Variants in RAB11FIP5 observed in about 807,000 individuals in gnomAD.
The protein encoded by RAB11FIP5 is RAB11 family interacting protein 5, also known as rab11 family-interacting protein 5.
Under a neutral mutation model 85.1 loss-of-function variants are expected in RAB11FIP5, and 48 were observed. The observed-to-expected ratio is 0.56, with a 90% CI of 0.45 to 0.72. The LOEUF (loss-of-function observed/expected upper bound fraction) is 0.72, where lower values mean the gene tolerates loss of function less well. Ranked by LOEUF, RAB11FIP5 falls within the 30% of genes least tolerant of loss-of-function variation. RAB11FIP5 has a pLI of 0.00. For missense variants in RAB11FIP5, 1,491 were observed against 1,687.0 expected, an observed-to-expected ratio of 0.88 and a Z score of 2.04; for synonymous variants, 729 against 727.3, an observed-to-expected ratio of 1.00 and a Z score of -0.04.
In RAB11FIP5 at chr2:73,088,043, G is replaced by A. The variant is rs369650590; in HGVS notation, c.1568+7C>T. ...AAGGAGCAAAGTTGGTCTTGCCAAC[G>A]ACTTACCTGGGTTTCTGAGTCGGGT... On this transcript the variant is annotated splice_region_variant and intron_variant, in intron 3 of 5. Coordinates refer to ENST00000486777, the MANE Select transcript of RAB11FIP5 (RefSeq NM_001371272.1). 145 of 1,581,318 alleles carry A rather than the reference G, an allele frequency of 9.2e-5. 1 individual carries two copies. The highest frequency in any genetic ancestry group is 2.1e-5 in the Non-Finnish European group (25 of 1,162,988).
intron 4 of RAB11FIP5, 62 bp downstream of exon 4, chr2:73,079,589 G>A: frequency 1.6e-6 from 2 of 1,232,236 alleles, no homozygotes; most frequent in Non-Finnish European, 2.0e-6. Flanking sequence ...CAGTCCCTTG[G>A]GCTGTTCTGC....
In RAB11FIP5 at chr2:73,111,011, A is replaced by C. The variant is rs148485984; in HGVS notation, c.431+1336T>G. 2.6e-4 allele frequency among the ~76,000 whole-genome samples: 34 copies of C among 128,792 alleles called. No individual in the cohort carries two copies. In the East Asian group the frequency reaches 9.1e-3, roughly 34 times the overall value. The allele number at this position is 128,792 out of a possible 152,430, so 84.5% of individuals were successfully genotyped here. A position where few individuals can be genotyped will look rare whatever the true frequency, so the allele number is the denominator to read the frequency against. ...ACCAGGAAGGAGGGAGAGGACAGAA[A>C]GGAGGAAAAAAACAAGGTCCAAGCT... On this transcript the variant is annotated intron_variant, in intron 1 of 5. Coordinates refer to ENST00000486777, the MANE Select transcript of RAB11FIP5 (RefSeq NM_001371272.1).
At position 73,088,570 on chromosome 2, in the gene RAB11FIP5, C is replaced by A. The variant is rs1237247948; in HGVS notation, c.1048G>T (p.Gly350Cys). 1.4e-5 allele frequency: 22 copies of A among 1,613,856 alleles called. No homozygotes were observed. The highest frequency in any genetic ancestry group is 1.8e-5 in the Non-Finnish European group (21 of 1,180,038). The change falls in exon 3 of 6, where the codon GGC (glycine) becomes TGC (cysteine). Residue 350 changes from glycine to cysteine, a missense_variant. This residue lies in a region of RAB11FIP5 where 1,211 missense variants were observed against 1,338.0 expected (regional missense o/e 0.91). Coordinates refer to ENST00000486777, the MANE Select transcript of RAB11FIP5 (RefSeq NM_001371272.1). ...ATGGAGCTGCGGTGCCGCACAGGGC[C>A]CTGGGGCTCCTCATTGTAAATGTGG... ...GSHIYNEEPQ[G>C]PVRHRSSISG...
In RAB11FIP5 at chr2:73,084,672, G is replaced by A. The variant is rs1184779592; in HGVS notation, c.1569-3009C>T. Among the ~76,000 whole-genome samples, 3 of 152,172 alleles carry A rather than the reference G, an allele frequency of 2.0e-5. 1 individual carries two copies. Among genetic ancestry groups the A allele is most frequent in the Admixed American group, 2.0e-4 (3 of 15,280 alleles). On this transcript the variant is annotated intron_variant, in intron 3 of 5. Coordinates refer to ENST00000486777, the MANE Select transcript of RAB11FIP5 (RefSeq NM_001371272.1). ...CTCTTCTTAAACACTACACCACAGG[G>A]CTACCTCTGTAGCTGAAGGCCAGGT...
chr2:73,088,263 C>G lies in RAB11FIP5; in HGVS notation c.1355G>C (p.Gly452Ala), dbSNP rs200575843. Residue 452 changes from glycine (G) to alanine (A), a missense_variant, in exon 3 of 6, where the codon GGA becomes GCA. Gly to Ala is a moderately conservative substitution (Grantham distance 60). Transcript: ENST00000486777. ...GGGCTTGCGTTCCTCCTTCCGGGCTCCCTCCTTCTCTGCCACAGCCTCAGA... is the reference window on the plus strand; with the variant it reads ...GGGCTTGCGTTCCTCCTTCCGGGCTGCCTCCTTCTCTGCCACAGCCTCAGA... ...ASSEAVAEKE[G>A]ARKEERKPRM... 189 of 1,613,802 alleles carry G rather than the reference C, an allele frequency of 1.2e-4. No individual in the cohort carries two copies. The highest frequency in any genetic ancestry group is 1.5e-4 in the Non-Finnish European group (175 of 1,180,026).
At chr2:73,109,143 G>C (rs1558525062) in intron 1 of RAB11FIP5, among the ~76,000 whole-genome samples, 1 of 152,206 alleles carries the variant, frequency 6.6e-6, no homozygotes, top group Non-Finnish European at 1.5e-5. Context: ...GACGATCCAT[G>C]GACAGTTCTA....
At position 73,080,468 on chromosome 2, in the gene RAB11FIP5, C is replaced by T. The variant is rs201313478; in HGVS notation, c.2764G>A (p.Ala922Thr). The change falls in exon 4 of 6, where the codon GCA becomes ACA. Residue 922 changes from alanine (A) to threonine (T), a missense_variant. Ala to Thr is a moderately conservative substitution (Grantham distance 58). This residue lies in a region of RAB11FIP5 where 1,211 missense variants were observed against 1,338.0 expected (regional missense o/e 0.91). Coordinates refer to ENST00000486777, the MANE Select transcript of RAB11FIP5 (RefSeq NM_001371272.1). The part of the protein sequence containing the change: ...RSQEEEEEKA[A>T]VGLSNRGPET... ...GGCCCCCTGTTACTCAGCCCCACTGCGGCCTTCTCCTCCTCCTCCTCCTGG... is the reference window on the plus strand; with the variant it reads ...GGCCCCCTGTTACTCAGCCCCACTGTGGCCTTCTCCTCCTCCTCCTCCTGG... 3.2e-5 allele frequency: 39 copies of T among 1,233,728 alleles called. 1 individual carries two copies. The East Asian group carries it at 6.0e-4, about 19-fold the overall frequency. 76.4% of individuals were successfully genotyped at this position (1,233,728 alleles called of 1,614,324 possible).
In RAB11FIP5 at chr2:73,081,323, G is replaced by T; in HGVS notation, c.1909C>A (p.Pro637Thr). The change falls in exon 4 of 6, where the codon CCC becomes ACC. Residue 637 changes from proline to threonine, a missense_variant. Coordinates refer to ENST00000486777, the MANE Select transcript of RAB11FIP5 (RefSeq NM_001371272.1). This position sits in a 1 kb window ranked among gnomAD's most constrained non-coding sequence, Gnocchi z 4.2. ...AGGGCTTTCCCAGGGGAGGCCAGGG[G>T]GGTGGGGCTGGCCCTCGAGGCACTG... ...LPSASRASPT[P>T]LASPGKALPE... is the part of the protein sequence containing the mutation. The T allele has an allele frequency of 8.1e-7, 1 of 1,232,968 alleles. No homozygotes were observed. 76.4% of individuals were successfully genotyped at this position (1,232,968 alleles called of 1,614,324 possible).
rs1415133552 is a variant in RAB11FIP5 at position 73,081,229 on chromosome 2, A to T, written c.2003T>A (p.Ile668Asn). 1 of 1,232,172 alleles carries T rather than the reference A, an allele frequency of 8.1e-7. No homozygotes were observed. Among genetic ancestry groups the T allele is most frequent in the South Asian group, 4.1e-5 (1 of 24,320 alleles). The allele number at this position is 1,232,172 out of a possible 1,614,324, so 76.3% of individuals were successfully genotyped here. A position where few individuals can be genotyped will look rare whatever the true frequency, so the allele number is the denominator to read the frequency against. ...SRLRPEARSE[I>N]LAPAGVGLEA... ...CAGCCCCACTCCTGCAGGGGCCAGGATCTCGCTCCTGGCCTCTGGACGCAG... is the reference window on the plus strand; with the variant it reads ...CAGCCCCACTCCTGCAGGGGCCAGGTTCTCGCTCCTGGCCTCTGGACGCAG... Residue 668 changes from isoleucine to asparagine, a missense_variant, in exon 4 of 6, where the codon ATC (isoleucine) becomes AAC (asparagine). By Grantham distance (149) the Ile-to-Asn change is moderately radical. This residue lies in a region of RAB11FIP5 where 1,211 missense variants were observed against 1,338.0 expected (regional missense o/e 0.91). Transcript: ENST00000486777. This position sits in a 1 kb window ranked among gnomAD's most constrained non-coding sequence, Gnocchi z 4.2.
rs112009327 is a variant in RAB11FIP5 at position 73,097,854 on chromosome 2, A to T, written c.432-8539T>A. 1.9e-3 allele frequency among the ~76,000 whole-genome samples: 283 copies of T among 152,342 alleles called. 2 individuals carry two copies. The highest frequency in any genetic ancestry group is 5.3e-3 in the African/African-American group (219 of 41,574). On this transcript the variant is annotated intron_variant, in intron 1 of 5. Coordinates refer to ENST00000486777, the MANE Select transcript of RAB11FIP5 (RefSeq NM_001371272.1). ...GCCCAACCAGATGTGGGACGCATCCAGCTTTGTGAACAGAGGAGTCACTGT... is the reference window on the plus strand; with the variant it reads ...GCCCAACCAGATGTGGGACGCATCCTGCTTTGTGAACAGAGGAGTCACTGT...
At chr2:73,101,425 G>C (rs997682064) in intron 1 of RAB11FIP5, among the ~76,000 whole-genome samples, 6 of 152,286 alleles carry the variant, frequency 3.9e-5, no homozygotes, top group Admixed American at 3.3e-4. Context: ...TTGAATGTGG[G>C]CTGGATATTA....
chr2:73,110,421 C>T (rs1684614255), intron 1 of RAB11FIP5, among the ~76,000 whole-genome samples: 1 of 152,116 alleles, frequency 6.6e-6, no homozygotes, highest in South Asian at 2.1e-4. Context: ...AACTAGAGCA[C>T]CAGGCCAACT....
chr2:73,074,992 G>A lies in RAB11FIP5; in HGVS notation c.*529C>T. The stretch of plus-strand genomic sequence containing the variant: ...ACCACACAGGCTTCTTGCTCTCAGG[G>A]GAATGGGTGTGAGGCTGAAGAGGCT... On this transcript the variant is annotated 3_prime_UTR_variant, in exon 6 of 6. Transcript: ENST00000486777. 2.8e-6 allele frequency: 1 copy of A among 353,972 alleles called. No homozygotes were observed. The highest frequency in any genetic ancestry group is 2.2e-5 in the South Asian group (1 of 46,056). 21.9% of individuals were successfully genotyped at this position (353,972 alleles called of 1,614,324 possible). A position where few individuals can be genotyped will look rare whatever the true frequency, so the allele number is the denominator to read the frequency against.
intron 1 of RAB11FIP5, among the ~76,000 whole-genome samples, chr2:73,109,725 G>T (rs1469444813): frequency 6.6e-6 from 1 of 152,200 alleles, no homozygotes; most frequent in Non-Finnish European, 1.5e-5. Flanking sequence ...GCTGCAAAGG[G>T]CCAGCTCATT....
intron 3 of RAB11FIP5, 48 bp downstream of exon 3, chr2:73,088,002 C>A (rs1423360446): frequency 5.2e-6 from 8 of 1,528,000 alleles, no homozygotes; most frequent in Non-Finnish European, 1.8e-6. Flanking sequence ...GCAGCACACA[C>A]CCCAGCATCC....
At chr2:73,110,622 TC>T (rs1684636684) in intron 1 of RAB11FIP5, among the ~76,000 whole-genome samples, 1 of 152,214 alleles carries the variant, frequency 6.6e-6, no homozygotes, top group Admixed American at 6.5e-5. Context: ...AGTCAAATTC[TC>T]CAAGACAGGC....
At chr2:73,087,248 C>T (rs1684109243) in intron 3 of RAB11FIP5, among the ~76,000 whole-genome samples, 1 of 152,218 alleles carries the variant, frequency 6.6e-6, no homozygotes, top group South Asian at 2.1e-4. Flanking sequence ...CCTGGAGCCC[C>T]TCTCTGGACC....
rs755391416 is a variant in RAB11FIP5, at chr2:73,075,719, T to C, written c.3777A>G (p.Ser1259=). 1 of 1,601,718 alleles carries C rather than the reference T, an allele frequency of 6.2e-7. No homozygotes were observed. The highest frequency in any genetic ancestry group is 1.7e-5 in the Admixed American group (1 of 58,848). Residue 1259 remains serine (S), a synonymous_variant, in exon 6 of 6, where the codon TCA becomes TCG. Coordinates refer to ENST00000486777, the MANE Select transcript of RAB11FIP5 (RefSeq NM_001371272.1). This position sits in a 1 kb window ranked among gnomAD's most constrained non-coding sequence, Gnocchi z 4.6. ...ACTTGGCCGACTGGTCCAGCACAGCTGAGTCCTGAGGCCGGACCGAAGACA... is the reference window on the plus strand; with the variant it reads ...ACTTGGCCGACTGGTCCAGCACAGCCGAGTCCTGAGGCCGGACCGAAGACA... ...QMVDTKRLKD[S]AVLDQSAKYY...
chr2:73,110,556 G>T (rs2106127572), intron 1 of RAB11FIP5, among the ~76,000 whole-genome samples: 1 of 152,200 alleles, frequency 6.6e-6, no homozygotes, highest in East Asian at 1.9e-4. Context: ...GATCCTGGTG[G>T]AAAAGATGAT....
Sources: allele counts gnomAD v4.1 joint callset (sites outside exome capture counted in the v4.1 genomes callset), GRCh38; gene constraint gnomAD v4.1.1; regional missense constraint gnomAD v4.1.1; non-coding constraint Gnocchi (gnomAD v3.1); transcripts MANE v1.5; gene names NCBI Gene and HGNC (gene_info 2026-07-23, HGNC 2026-07-21).